SLC41A2: variants seen among roughly 807,000 people sequenced by gnomAD.
The protein encoded by SLC41A2 is solute carrier family 41 member 2.
SLC41A2 carries 32 observed loss-of-function variants against 58.3 expected under a neutral mutation model. That is an observed-to-expected ratio of 0.55 (90% CI 0.41 to 0.74). The LOEUF (loss-of-function observed/expected upper bound fraction) is 0.74. Among genes scored for constraint, SLC41A2 ranks in the 30% least tolerant of loss-of-function variants. SLC41A2 has a pLI of 0.00. For missense variants in SLC41A2, 514 were observed against 680.6 expected (o/e 0.76, Z 2.72); for synonymous variants, 190 against 235.0 (o/e 0.81, Z 1.75).
intron 1 of SLC41A2, among the ~76,000 whole-genome samples, chr12:104,943,322 G>C (rs1184208787): frequency 6.6e-6 from 1 of 151,764 alleles, no homozygotes; most frequent in Non-Finnish European, 1.5e-5. Context: ...TAGAGCAGAG[G>C]AGCTTCAAAA....
chr12:104,920,894 A>C (rs564008717), intron 2 of SLC41A2, among the ~76,000 whole-genome samples: 175 of 152,120 alleles, frequency 1.2e-3, no homozygotes, highest in African/African-American at 4.2e-3. Context: ...ACTGCACTCC[A>C]GCCTGGGTGA....
intron 10 of SLC41A2, among the ~76,000 whole-genome samples, chr12:104,815,249 A>G (rs1011608729): frequency 6.6e-5 from 10 of 152,194 alleles, no homozygotes; most frequent in Admixed American, 2.6e-4. Context: ...TTTAAAGCTG[A>G]ATGATAATTT....
At chr12:104,929,322 T>G (rs1331646166) in intron 1 of SLC41A2, among the ~76,000 whole-genome samples, 1 of 152,218 alleles carries the variant, frequency 6.6e-6, no homozygotes, top group Admixed American at 6.5e-5. Flanking sequence ...TATAATTGAT[T>G]TAGGAATATA....
At chr12:104,934,949 GT>G (rs201510964) in intron 1 of SLC41A2, among the ~76,000 whole-genome samples, 1 of 151,576 alleles carries the variant, frequency 6.6e-6, no homozygotes, top group South Asian at 2.1e-4. Flanking sequence ...GAAAGTTTTT[GT>G]TTTTTTTGTT....
intron 8 of SLC41A2, among the ~76,000 whole-genome samples, chr12:104,860,804 A>C (rs1018988735): frequency 3.3e-5 from 5 of 151,572 alleles, no homozygotes; most frequent in Non-Finnish European, 5.9e-5. Context: ...CAAACCCCTA[A>C]CCTCAAGCGA....
At chr12:104,935,097 AGAGGG>A (rs2047209450) in intron 1 of SLC41A2, among the ~76,000 whole-genome samples, 1 of 152,182 alleles carries the variant, frequency 6.6e-6, no homozygotes, top group Non-Finnish European at 1.5e-5. Flanking sequence ...AGCTGGGATT[AGAGGG>A]GCATGCCACC....
chr12:104,838,597 TTTG>T (rs1326253137), intron 10 of SLC41A2, among the ~76,000 whole-genome samples: 2 of 152,234 alleles, frequency 1.3e-5, no homozygotes, highest in African/African-American at 4.8e-5. Context: ...CAGTTTCATA[TTTG>T]TTGATACTGA....
At chr12:104,878,633 G>A (rs1240152859) in intron 6 of SLC41A2, among the ~76,000 whole-genome samples, 2 of 152,082 alleles carry the variant, frequency 1.3e-5, no homozygotes, top group Admixed American at 6.6e-5. Flanking sequence ...CCCTACAAAG[G>A]ATGTGGGCTC....
chr12:104,930,897 G>A (rs941126602), intron 1 of SLC41A2, among the ~76,000 whole-genome samples: 5 of 152,180 alleles, frequency 3.3e-5, no homozygotes, highest in African/African-American at 7.2e-5. Context: ...ACTGGCCAGG[G>A]GGATCCAGAT....
At chr12:104,914,729 C>T (rs2046235460) in intron 2 of SLC41A2, among the ~76,000 whole-genome samples, 1 of 152,222 alleles carries the variant, frequency 6.6e-6, no homozygotes, top group Admixed American at 6.5e-5. Context: ...TCTGACTCTA[C>T]TACTTACTGT....
intron 10 of SLC41A2, among the ~76,000 whole-genome samples, chr12:104,812,283 G>A (rs2041208263): frequency 6.6e-6 from 1 of 152,202 alleles, no homozygotes; most frequent in African/African-American, 2.4e-5. Context: ...CCCCGTTCAA[G>A]ACAGAGATGT....
chr12:104,925,410 T>C (rs1327087483), intron 2 of SLC41A2, among the ~76,000 whole-genome samples: 1 of 151,540 alleles, frequency 6.6e-6, no homozygotes, highest in Non-Finnish European at 1.5e-5. Flanking sequence ...TACAAAAAAT[T>C]AGCCGGGCGC....
intron 1 of SLC41A2, among the ~76,000 whole-genome samples, chr12:104,930,029 C>T (rs557604255): frequency 1.1e-3 from 175 of 152,316 alleles, no homozygotes; most frequent in Non-Finnish European, 1.1e-3. Flanking sequence ...TTTCCTCTCT[C>T]TTGTGATTAC....
At chr12:104,808,920 C>T (rs946776131) in intron 10 of SLC41A2, among the ~76,000 whole-genome samples, 1 of 152,008 alleles carries the variant, frequency 6.6e-6, no homozygotes, top group Non-Finnish European at 1.5e-5. Context: ...TTTTCAAACC[C>T]CTGAAGCAGC....
At chr12:104,936,490 T>C (rs1053024652) in intron 1 of SLC41A2, among the ~76,000 whole-genome samples, 1 of 152,150 alleles carries the variant, frequency 6.6e-6, no homozygotes, top group East Asian at 1.9e-4. Context: ...GTTGGACTCA[T>C]GTGGCTGGGG....
intron 8 of SLC41A2, 114 bp from the exon 9 acceptor site, chr12:104,846,088 G>C: frequency 9.9e-7 from 1 of 1,009,784 alleles, no homozygotes; most frequent in South Asian, 1.8e-5. Context: ...ACAAAATAAA[G>C]AGTTCTTCTG....
At chr12:104,878,479 C>T (rs142397891) in intron 6 of SLC41A2, among the ~76,000 whole-genome samples, 1,838 of 151,456 alleles carry the variant, frequency 0.012, 50 homozygotes, top group African/African-American at 0.043. Context: ...CACCCCACCA[C>T]AGGCCCTGGT....
chr12:104,945,736 G>A (rs1752044738), intron 1 of SLC41A2, among the ~76,000 whole-genome samples: 1 of 152,068 alleles, frequency 6.6e-6, no homozygotes, highest in South Asian at 2.1e-4. Flanking sequence ...TTATCTTTAA[G>A]TAAAAGGCAA....
At chr12:104,841,996 G>A (rs914290600) in intron 10 of SLC41A2, among the ~76,000 whole-genome samples, 1 of 152,040 alleles carries the variant, frequency 6.6e-6, no homozygotes, top group African/African-American at 2.4e-5. Flanking sequence ...GGGATGAGAA[G>A]AGTGGTATGA....
Sources: gnomAD v4.1 joint callset for allele counts (sites outside exome capture counted in the v4.1 genomes callset) on GRCh38, gnomAD v4.1.1 for gene constraint, MANE v1.5 for transcripts, NCBI Gene and HGNC (gene_info 2026-07-23, HGNC 2026-07-21) for gene names.